GBE1: variants seen among roughly 807,000 people sequenced by gnomAD.
GBE1 encodes the protein 1,4-alpha-glucan-branching enzyme.
Under a neutral mutation model 88.8 loss-of-function variants are expected in GBE1, and 70 were observed. That is an observed-to-expected ratio of 0.79 (90% CI 0.65 to 0.96). The LOEUF is 0.96. GBE1 is among the 40% of genes least tolerant of loss of function. GBE1 has a pLI of 0.00. For synonymous variants in GBE1, 284 were observed against 300.1 expected (o/e 0.95, Z 0.56); for missense variants, 872 against 871.0 (o/e 1.00, Z -0.01).
chr3:81,587,869 TTAAC>T (rs894397505), intron 9 of GBE1, among the ~76,000 whole-genome samples: 1 of 152,188 alleles, frequency 6.6e-6, no homozygotes, highest in Non-Finnish European at 1.5e-5. Context: ...GTTGTGATCA[TTAAC>T]TAAAGTGCAC....
chr3:81,614,376 T>C (rs1018146931), intron 7 of GBE1, among the ~76,000 whole-genome samples: 4 of 152,230 alleles, frequency 2.6e-5, no homozygotes, highest in African/African-American at 9.6e-5. Flanking sequence ...GCATTGATGT[T>C]CTAAGTGACT....
At chr3:81,588,281 TA>T (rs1703826745) in intron 9 of GBE1, among the ~76,000 whole-genome samples, 1 of 152,138 alleles carries the variant, frequency 6.6e-6, no homozygotes, top group Non-Finnish European at 1.5e-5. Context: ...TTTATCAAAA[TA>T]TAAGTCATAT....
chr3:81,576,211 TAG>T (rs1229235689), intron 12 of GBE1, among the ~76,000 whole-genome samples: 2 of 151,736 alleles, frequency 1.3e-5, no homozygotes, highest in Non-Finnish European at 1.5e-5. Context: ...GGTAATGCAT[TAG>T]GCAATGTATC....
At chr3:81,621,452 G>T (rs1404436920) in intron 7 of GBE1, among the ~76,000 whole-genome samples, 4 of 152,010 alleles carry the variant, frequency 2.6e-5, no homozygotes, top group Non-Finnish European at 5.9e-5. Flanking sequence ...CCTCCTCCTG[G>T]CTTTCAAAGA....
chr3:81,559,215 C>A (rs559810282), intron 12 of GBE1, among the ~76,000 whole-genome samples: 2 of 151,856 alleles, frequency 1.3e-5, no homozygotes, highest in Non-Finnish European at 2.9e-5. Flanking sequence ...TAGTAAAATG[C>A]GAATGCCTAG....
intron 7 of GBE1, among the ~76,000 whole-genome samples, chr3:81,636,577 CTGGAGTGCAA>C (rs1010086121): frequency 5.3e-5 from 8 of 150,352 alleles, no homozygotes; most frequent in African/African-American, 2.0e-4. Flanking sequence ...GTTGTCCAGG[CTGGAGTGCAA>C]TGGCGCAATC....
chr3:81,732,457 A>G (rs186013671), intron 1 of GBE1, among the ~76,000 whole-genome samples: 6 of 152,264 alleles, frequency 3.9e-5, no homozygotes, highest in Non-Finnish European at 8.8e-5. Context: ...TACTGTCCCT[A>G]TATCTAACTA....
At chr3:81,568,394 G>A (rs752636058) in intron 12 of GBE1, among the ~76,000 whole-genome samples, 52 of 151,914 alleles carry the variant, frequency 3.4e-4, no homozygotes, top group Non-Finnish European at 5.6e-4. Flanking sequence ...GTGATCCACC[G>A]GCCTCAGCCT....
intron 12 of GBE1, among the ~76,000 whole-genome samples, chr3:81,538,505 G>A: frequency 6.6e-6 from 1 of 151,936 alleles, no homozygotes. Flanking sequence ...TGTCATAGCA[G>A]AGAGCCGACT....
intron 2 of GBE1, among the ~76,000 whole-genome samples, chr3:81,673,382 T>A (rs548125508): frequency 5.9e-5 from 9 of 152,026 alleles, no homozygotes; most frequent in Non-Finnish European, 8.8e-5. Flanking sequence ...TTTAGTGCTC[T>A]AAATTCGTCA....
At chr3:81,737,321 TTATA>T (rs1345655564) in intron 1 of GBE1, among the ~76,000 whole-genome samples, 2,108 of 106,146 alleles carry the variant, frequency 0.02, 72 homozygotes, top group African/African-American at 0.08. Flanking sequence ...TTATATATAT[TTATA>T]TATATTTTTA....
intron 7 of GBE1, among the ~76,000 whole-genome samples, chr3:81,641,919 T>C (rs902867732): frequency 6.7e-6 from 1 of 149,196 alleles, no homozygotes; most frequent in Non-Finnish European, 1.5e-5. Context: ...AAAATATATA[T>C]AATATGTATA....
chr3:81,592,258 C>T (rs1350555006), intron 8 of GBE1, among the ~76,000 whole-genome samples: 2 of 152,110 alleles, frequency 1.3e-5, no homozygotes, highest in Non-Finnish European at 2.9e-5. Flanking sequence ...CACCTTAAAA[C>T]AAAAGTGCGC....
intron 2 of GBE1, among the ~76,000 whole-genome samples, chr3:81,700,627 G>A (rs1187623040): frequency 1.3e-5 from 2 of 152,084 alleles, no homozygotes; most frequent in African/African-American, 2.4e-5. Flanking sequence ...TGAGTAGCAC[G>A]GTTTCAGAGC....
At chr3:81,599,479 TAC>T (rs1445255543) in intron 7 of GBE1, among the ~76,000 whole-genome samples, 3 of 152,176 alleles carry the variant, frequency 2.0e-5, no homozygotes, top group African/African-American at 7.2e-5. Flanking sequence ...AGCCTACTAC[TAC>T]ACACCTAGGC....
At chr3:81,620,566 A>G (rs1280162578) in intron 7 of GBE1, among the ~76,000 whole-genome samples, 1 of 152,214 alleles carries the variant, frequency 6.6e-6, no homozygotes, top group Non-Finnish European at 1.5e-5. Context: ...TCTAATAGTT[A>G]ACGAGCATTT....
intron 14 of GBE1, among the ~76,000 whole-genome samples, chr3:81,502,135 T>G (rs1483527893): frequency 2.0e-5 from 3 of 152,106 alleles, no homozygotes; most frequent in Non-Finnish European, 4.4e-5. Flanking sequence ...TTACATGCTT[T>G]TCCCACAATA....
intron 14 of GBE1, among the ~76,000 whole-genome samples, chr3:81,530,695 T>A (rs866835387): frequency 9.2e-5 from 14 of 152,000 alleles, no homozygotes; most frequent in African/African-American, 3.4e-4. Flanking sequence ...TATCCTGAGC[T>A]GCCTGGAATT....
chr3:81,490,996 A>C (rs2126220), intron 15 of GBE1, among the ~76,000 whole-genome samples: 147,290 of 152,198 alleles, frequency 0.97, 71,467 homozygotes, highest in East Asian at 1. Flanking sequence ...ATGGCATGCA[A>C]AGCCCTGACT....
Sources: allele counts gnomAD v4.1 joint callset (sites outside exome capture counted in the v4.1 genomes callset), GRCh38; gene constraint gnomAD v4.1.1; transcripts MANE v1.5; gene names NCBI Gene and HGNC (gene_info 2026-07-23, HGNC 2026-07-21).